The following SORL1 variants were observed in gnomAD, a reference collection of about 807,000 sequenced individuals.
SORL1 encodes sortilin-related receptor.
Under a neutral mutation model 273.7 loss-of-function variants are expected in SORL1, and 127 were observed. The ratio of observed to expected loss-of-function variants is 0.46; its 90% CI spans 0.40 to 0.54. The LOEUF (loss-of-function observed/expected upper bound fraction) is 0.54. Among genes scored for constraint, SORL1 ranks in the 20% least tolerant of loss-of-function variants. The probability of loss-of-function intolerance (pLI) is 0.00; values close to 1 mark genes in which losing one functional copy is unlikely to be tolerated. For synonymous variants in SORL1, 1,031 were observed against 1,067.4 expected (o/e 0.97, Z 0.66); for missense variants, 2,494 against 2,846.1 (o/e 0.88, Z 2.81).
chr11:121,508,160 GC>G (rs1350706876), intron 6 of SORL1, among the ~76,000 whole-genome samples: 1 of 152,172 alleles, frequency 6.6e-6, no homozygotes, highest in Non-Finnish European at 1.5e-5. Context: ...TACCTTCAAT[GC>G]TTTTGCAGGC....
At chr11:121,548,524 T>C (rs892615174) in intron 14 of SORL1, among the ~76,000 whole-genome samples, 31 of 152,320 alleles carry the variant, frequency 2.0e-4, no homozygotes, top group African/African-American at 7.2e-4. Context: ...CTGTTAATAC[T>C]TTTTGTGTCA....
rs115226090 is a variant in SORL1 at position 121,550,041 on chromosome 11, C to T, written c.2133C>T (p.Ser711=). 1,544 of 1,613,552 alleles carry T rather than the reference C, an allele frequency of 9.6e-4. 13 individuals are homozygous for T. The African/African-American group carries it at 0.019, about 19-fold the overall frequency. The change falls in exon 15 of 48, where the codon TCC becomes TCT. Residue 711 remains serine, a synonymous_variant. Coordinates refer to ENST00000260197, the MANE Select transcript of SORL1 (RefSeq NM_003105.6). The surrounding 1 kb of genome is among the most constrained non-coding windows in gnomAD (Gnocchi z 5.3). ...PDPEFSGKSY[S]PPVPCPVGST... Reference sequence around the variant, plus strand: ...CGGAATTTTCTGGAAAGTCATACTCCCCTCCTGTGCCTTGCCCTGTGGGTT... The same window carrying T: ...CGGAATTTTCTGGAAAGTCATACTCTCCTCCTGTGCCTTGCCCTGTGGGTT...
chr11:121,527,277 C>T (rs1203132642), intron 11 of SORL1, among the ~76,000 whole-genome samples: 3 of 151,428 alleles, frequency 2.0e-5, no homozygotes, highest in Admixed American at 6.6e-5. Flanking sequence ...TTTTCTATTA[C>T]TATGATGATT....
Position 121,577,380 on chromosome 11 carries a change from C to A in SORL1, c.3560C>A (p.Ser1187Tyr). 1 of 1,610,764 alleles carries A rather than the reference C, an allele frequency of 6.2e-7. No homozygotes were observed. The highest frequency in any genetic ancestry group is 1.1e-5 in the South Asian group (1 of 90,552). ...GGGGACAACGACTGCAGGGACTGGT[C>A]TGATGAAGCCAACTGTACCGGTCAG... ...CDGDNDCRDW[S>Y]DEANCTAIYH... The change falls in exon 25 of 48, where the codon TCT (serine) becomes TAT (tyrosine). Residue 1187 changes from serine to tyrosine, a missense_variant. By Grantham distance (144) the Ser-to-Tyr change is moderately radical. Around this residue, in one of 3 missense-constraint regions of SORL1, gnomAD observed 1,609 missense variants for 1,816.4 expected, o/e 0.89. Coordinates refer to ENST00000260197, the MANE Select transcript of SORL1 (RefSeq NM_003105.6).
Position 121,605,101 on chromosome 11 carries a change from T to G in SORL1, c.4652-12T>G, listed in dbSNP as rs1282754786. On this transcript the variant is annotated splice_polypyrimidine_tract_variant and intron_variant, in intron 33 of 47. Transcript: ENST00000260197. Reference sequence around the variant, plus strand: ...GTAACTTTGTTTGTCTTTTTCTCCTTTATCTCTCTAGATGAGTTGACTGTG... The same window carrying G: ...GTAACTTTGTTTGTCTTTTTCTCCTGTATCTCTCTAGATGAGTTGACTGTG... 3 of 1,600,618 alleles carry G rather than the reference T, an allele frequency of 1.9e-6. No individual in the cohort carries two copies. The highest frequency in any genetic ancestry group is 2.6e-6 in the Non-Finnish European group (3 of 1,173,558).
Position 121,591,106 on chromosome 11 carries a change from G to C in SORL1, c.4319G>C (p.Gly1440Ala). The change falls in exon 31 of 48, where the codon GGG becomes GCG. Residue 1440 changes from glycine to alanine, a missense_variant. Coordinates refer to ENST00000260197, the MANE Select transcript of SORL1 (RefSeq NM_003105.6). ...TCVMDTWVCD[G>A]YRDCADGSDE... ...GTGATGGACACCTGGGTGTGCGACG[G>C]GTACCGAGATTGTGCAGATGGCTCT... 1 of 1,614,210 alleles carries C rather than the reference G, an allele frequency of 6.2e-7. No individual in the cohort carries two copies. Among genetic ancestry groups the C allele is most frequent in the Non-Finnish European group, 8.5e-7 (1 of 1,180,044 alleles).
intron 14 of SORL1, 71 bp from the exon 15 acceptor site, chr11:121,549,889 A>G: frequency 6.9e-7 from 1 of 1,454,352 alleles, no homozygotes; most frequent in Non-Finnish European, 9.4e-7. Context: ...AGGTAAAGTC[A>G]GCAGAATTGG....
chr11:121,542,049 C>G (rs556889597), intron 12 of SORL1, among the ~76,000 whole-genome samples: 168 of 152,324 alleles, frequency 1.1e-3, no homozygotes, highest in African/African-American at 3.9e-3. Context: ...CCGGTTTGCT[C>G]TACTTCTATC....
intron 11 of SORL1, among the ~76,000 whole-genome samples, chr11:121,528,423 C>T (rs1862155567): frequency 1.3e-5 from 2 of 152,236 alleles, no homozygotes; most frequent in South Asian, 4.1e-4. Context: ...TGTGTCAGTG[C>T]ACTCCAGCCT....
chr11:121,539,872 G>A lies in SORL1; in HGVS notation c.1686-3676G>A, dbSNP rs535904464. Among the ~76,000 whole-genome samples, 11 of 152,144 alleles carry A rather than the reference G, an allele frequency of 7.2e-5. No individual in the cohort carries two copies. In the South Asian group the frequency reaches 2.3e-3, roughly 32 times the overall value. On this transcript the variant is annotated intron_variant, in intron 12 of 47. Coordinates refer to ENST00000260197, the MANE Select transcript of SORL1 (RefSeq NM_003105.6). ...TAAATTGATACATATGATTATGTCT[G>A]CTATTATTTATTCTATTGGCCATCA...
At chr11:121,517,038 C>T (rs1359646390) in intron 8 of SORL1, among the ~76,000 whole-genome samples, 3 of 151,488 alleles carry the variant, frequency 2.0e-5, no homozygotes, top group South Asian at 2.1e-4. Flanking sequence ...GGCGACAGAG[C>T]GAGACTCTGT....
Position 121,583,504 on chromosome 11 carries a change from G to A in SORL1, c.3627G>A (p.Gly1209=). ...CEASNFQCRN[G]HCIPQRWACD... The stretch of plus-strand genomic sequence containing the variant: ...CCTCCAACTTCCAGTGCCGAAACGG[G>A]CACTGCATCCCCCAGCGGTGGGCGT... Residue 1209 remains glycine, a synonymous_variant, in exon 26 of 48, where the codon GGG becomes GGA. Transcript: ENST00000260197. 1.2e-6 allele frequency: 2 copies of A among 1,612,804 alleles called. No homozygotes were observed. Among genetic ancestry groups the A allele is most frequent in the South Asian group, 1.1e-5 (1 of 90,924 alleles).
At position 121,481,229 on chromosome 11, in the gene SORL1, A is replaced by G. The variant is rs1394604571; in HGVS notation, c.528+2986A>G. 1.7e-4 allele frequency among the ~76,000 whole-genome samples: 17 copies of G among 97,438 alleles called. 1 individual carries two copies. The highest frequency in any genetic ancestry group is 1.3e-3 in the Admixed American group (13 of 10,330). 63.9% of individuals were successfully genotyped at this position (97,438 alleles called of 152,430 possible). ...CTCCTCTCCTAGTGCACAGATACCTATAGGCAAGCTCCATCTCCTCCTCCC... is the reference window on the plus strand; with the variant it reads ...CTCCTCTCCTAGTGCACAGATACCTGTAGGCAAGCTCCATCTCCTCCTCCC... On this transcript the variant is annotated intron_variant, in intron 3 of 47. Coordinates refer to ENST00000260197, the MANE Select transcript of SORL1 (RefSeq NM_003105.6).
Position 121,555,223 on chromosome 11 carries a change from A to C in SORL1, c.2476A>C (p.Ile826Leu). 1 of 1,614,084 alleles carries C rather than the reference A, an allele frequency of 6.2e-7. No individual in the cohort carries two copies. The highest frequency in any genetic ancestry group is 8.5e-7 in the Non-Finnish European group (1 of 1,179,924). Residue 826 changes from isoleucine to leucine, a missense_variant, in exon 18 of 48, where the codon ATC (isoleucine) becomes CTC (leucine). Physicochemically the swap from Ile to Leu is conservative, Grantham distance 5 (BLOSUM62 2). Around this residue, in one of 3 missense-constraint regions of SORL1, gnomAD observed 1,609 missense variants for 1,816.4 expected, o/e 0.89. Transcript: ENST00000260197. ...GAATGGAAGCACAGGGCAAGAGGTG[A>C]TCATCAATTCTGGCCTGGAGACAGT... ...CLNGSTGQEVIINSGLETVEA... is the reference protein window; with the variant it reads ...CLNGSTGQEVLINSGLETVEA...
chr11:121,544,720 G>A (rs752863905), intron 13 of SORL1, among the ~76,000 whole-genome samples: 78 of 152,312 alleles, frequency 5.1e-4, no homozygotes, highest in South Asian at 4.1e-4. Flanking sequence ...TTCGATGAAC[G>A]TGGCAGATGG....
At chr11:121,589,926 G>A in intron 29 of SORL1, 114 bp from the exon 30 acceptor site, 1 of 1,253,530 alleles carries the variant, frequency 8.0e-7, no homozygotes, top group South Asian at 1.4e-5. Context: ...CTCTTTATGG[G>A]TGGGAAGTGT....
intron 45 of SORL1, 73 bp downstream of exon 45, chr11:121,622,341 C>A: frequency 6.2e-6 from 5 of 806,518 alleles, no homozygotes; most frequent in Non-Finnish European, 1.1e-5. Context: ...AGCTTGTTGA[C>A]AGCATGCTGG....
At chr11:121,608,367 G>A (rs1326973969) in intron 38 of SORL1, 191 bp downstream of exon 38, 9 of 577,094 alleles carry the variant, frequency 1.6e-5, no homozygotes, top group Non-Finnish European at 2.4e-5. Context: ...GTGACTGAGT[G>A]TCTTTTTCCT....
In SORL1 at chr11:121,550,130, C is replaced by T. The variant is rs199504639; in HGVS notation, c.2180+42C>T. The T allele has an allele frequency of 6.1e-5, 97 of 1,596,470 alleles. No homozygotes were observed. The highest frequency in any genetic ancestry group is 2.5e-4 in the East Asian group (11 of 44,412). ...TTGCCCTGTCAGGTTCTCAGCGGTC[C>T]GCACATGGAGCGAGAGAGCATAGAG... is the stretch of plus-strand genomic sequence containing the variant. On this transcript the variant is annotated intron_variant, in intron 15 of 47. Coordinates refer to ENST00000260197, the MANE Select transcript of SORL1 (RefSeq NM_003105.6). The surrounding 1 kb of genome is among the most constrained non-coding windows in gnomAD (Gnocchi z 5.3).
Sources: allele counts gnomAD v4.1 joint callset (sites outside exome capture counted in the v4.1 genomes callset), GRCh38; gene constraint gnomAD v4.1.1; regional missense constraint gnomAD v4.1.1; non-coding constraint Gnocchi (gnomAD v3.1); transcripts MANE v1.5; gene names NCBI Gene and HGNC (gene_info 2026-07-23, HGNC 2026-07-21).